Variants in ARHGAP6 observed in about 807,000 individuals in gnomAD.
The protein encoded by ARHGAP6 is Rho GTPase activating protein 6, also known as rho GTPase-activating protein 6.
Under a neutral mutation model 55.7 loss-of-function variants are expected in ARHGAP6, and 16 were observed. The ratio of observed to expected loss-of-function variants is 0.29; its 90% CI spans 0.19 to 0.44. The LOEUF (loss-of-function observed/expected upper bound fraction) is 0.44. Ranked by LOEUF, ARHGAP6 falls within the 20% of genes least tolerant of loss-of-function variation. The probability of loss-of-function intolerance (pLI) is 1.00; values close to 1 mark genes in which losing one functional copy is unlikely to be tolerated. For missense variants in ARHGAP6, 698 were observed against 808.9 expected (o/e 0.86, Z 1.66); for synonymous variants, 382 against 360.9 (o/e 1.06, Z -0.66).
At chrX:11,634,169 T>G (rs2052392197) in intron 1 of ARHGAP6, among the ~76,000 whole-genome samples, 1 of 109,119 alleles carries the variant, frequency 9.2e-6, no homozygotes, top group Admixed American at 9.9e-5. Context: ...GCCCAGCTGA[T>G]TTTTCTTTAA....
At chrX:11,504,057 G>T (rs958794184) in intron 1 of ARHGAP6, among the ~76,000 whole-genome samples, 201 of 91,424 alleles carry the variant, frequency 2.2e-3, no homozygotes, top group Middle Eastern at 5.2e-3. Flanking sequence ...AATTTTTTTT[G>T]GGGGGGGGCT....
intron 1 of ARHGAP6, among the ~76,000 whole-genome samples, chrX:11,506,044 G>A (rs1445778176): frequency 9.0e-6 from 1 of 110,911 alleles, no homozygotes; most frequent in Non-Finnish European, 1.9e-5. Flanking sequence ...TAAAATAAAA[G>A]TTAAAAAAAG....
intron 1 of ARHGAP6, among the ~76,000 whole-genome samples, chrX:11,490,080 C>T (rs2050552305): frequency 9.0e-6 from 1 of 111,486 alleles, no homozygotes; most frequent in African/African-American, 3.3e-5. Flanking sequence ...TGACCCCCCT[C>T]CAGTGAATCA....
At chrX:11,583,669 C>T (rs2051690389) in intron 1 of ARHGAP6, among the ~76,000 whole-genome samples, 1 of 111,446 alleles carries the variant, frequency 9.0e-6, no homozygotes, top group South Asian at 3.7e-4. Context: ...AACTCCACAA[C>T]AATAAATCAT....
chrX:11,209,708 C>T (rs2046762055), intron 2 of ARHGAP6, among the ~76,000 whole-genome samples: 2 of 111,861 alleles, frequency 1.8e-5, no homozygotes, highest in South Asian at 3.7e-4. Context: ...TATTTTATTA[C>T]CTCTCAAAAT....
chrX:11,176,232 C>T (rs868775433), intron 8 of ARHGAP6, among the ~76,000 whole-genome samples: 7 of 23,915 alleles, frequency 2.9e-4, no homozygotes, highest in African/African-American at 7.3e-4. Context: ...AGAGGATTTG[C>T]ATATATATAT....
rs756767993 is a variant in ARHGAP6 at position 11,137,643 on chromosome X, TA to T, written c.*1219del. 2.5e-3 allele frequency: 241 copies of T among 97,950 alleles called. No homozygotes were observed. Among genetic ancestry groups the T allele is most frequent in the East Asian group, 3.5e-3 (11 of 3,137 alleles). 8.1% of individuals were successfully genotyped at this position (97,950 alleles called of 1,213,427 possible). A position where few individuals can be genotyped will look rare whatever the true frequency, so the allele number is the denominator to read the frequency against. On this transcript the variant is annotated 3_prime_UTR_variant, in exon 13 of 13. Coordinates refer to ENST00000337414, the MANE Select transcript of ARHGAP6 (RefSeq NM_013427.3). ...TGAAAATTAAGAGTAGCATGTTTTA[TA>T]AAAAAAAAAAAAATCTTTTTTTATA...
chrX:11,546,910 G>A (rs1200432325), intron 1 of ARHGAP6, among the ~76,000 whole-genome samples: 2 of 112,049 alleles, frequency 1.8e-5, no homozygotes, highest in Non-Finnish European at 3.8e-5. Context: ...AAATGAGACA[G>A]TAAATACAAA....
chrX:11,280,199 T>C (rs1055858588), intron 1 of ARHGAP6, among the ~76,000 whole-genome samples: 1 of 111,927 alleles, frequency 8.9e-6, no homozygotes, highest in Admixed American at 9.4e-5. Flanking sequence ...AATGGGACAT[T>C]TTTTGGTAAG....
intron 1 of ARHGAP6, among the ~76,000 whole-genome samples, chrX:11,363,355 C>G (rs1045471459): frequency 8.9e-6 from 1 of 112,293 alleles, no homozygotes; most frequent in Non-Finnish European, 1.9e-5. Flanking sequence ...TCCCAGTTTG[C>G]GTGACTCCCC....
intron 8 of ARHGAP6, among the ~76,000 whole-genome samples, chrX:11,174,556 TCCTTCCTTCCTTCCTTCC>T (rs2046146005): frequency 1.2e-5 from 1 of 83,856 alleles, no homozygotes; most frequent in African/African-American, 4.2e-5. Context: ...CTTCCTTCCT[TCCTTCCTTCCTTCCTTCC>T]TTTCTTTCTT....
At chrX:11,144,961 T>G (rs1569229198) in intron 10 of ARHGAP6, 1 of 112,817 alleles carries the variant, frequency 8.9e-6, no homozygotes, top group Non-Finnish European at 1.9e-5. Context: ...TATACCATTA[T>G]CATAGTTCTG....
chrX:11,342,059 A>G (rs1461485822), intron 1 of ARHGAP6, among the ~76,000 whole-genome samples: 1 of 109,727 alleles, frequency 9.1e-6, no homozygotes, highest in South Asian at 4.0e-4. Flanking sequence ...GAAAGGGGAA[A>G]TGGTGAGCTA....
intron 1 of ARHGAP6, among the ~76,000 whole-genome samples, chrX:11,389,791 C>A (rs1352744057): frequency 9.0e-6 from 1 of 111,433 alleles, no homozygotes; most frequent in African/African-American, 3.3e-5. Context: ...AATTGCAATG[C>A]AAATACAGTG....
rs201243947 is a variant in ARHGAP6 at position 11,663,719 on chromosome X, G to A, written c.588+522C>T. ...ATAGATTTCTGAAATTGCCCCTTCA[G>A]GGAAAGAAAAGGTGAAAACTAGAGA... On this transcript the variant is annotated intron_variant, in intron 1 of 12. Coordinates refer to ENST00000337414, the MANE Select transcript of ARHGAP6 (RefSeq NM_013427.3). Among the ~76,000 whole-genome samples the A allele has an allele frequency of 2.7e-5, 3 of 111,521 alleles. No homozygotes were observed. In the East Asian group the frequency reaches 8.4e-4, roughly 31 times the overall value.
At chrX:11,176,255 A>ATATT (rs61017049) in intron 8 of ARHGAP6, among the ~76,000 whole-genome samples, 5,680 of 60,347 alleles carry the variant, frequency 0.094, 670 homozygotes, top group Non-Finnish European at 0.13. Context: ...ATATATATAT[A>ATATT]TATATATATT....
At chrX:11,430,317 T>G (rs1298340401) in intron 1 of ARHGAP6, among the ~76,000 whole-genome samples, 1 of 112,814 alleles carries the variant, frequency 8.9e-6, no homozygotes, top group East Asian at 2.8e-4. Flanking sequence ...CTTCTAGCAT[T>G]ATTTATTGCT....
intron 1 of ARHGAP6, among the ~76,000 whole-genome samples, chrX:11,518,627 G>A (rs1226401860): frequency 9.6e-6 from 1 of 104,112 alleles, no homozygotes; most frequent in African/African-American, 3.5e-5. Context: ...TTGCAACAGT[G>A]CACTTTTTTT....
intron 1 of ARHGAP6, among the ~76,000 whole-genome samples, chrX:11,275,169 A>G (rs1029645438): frequency 8.9e-6 from 1 of 111,883 alleles, no homozygotes; most frequent in African/African-American, 3.2e-5. Flanking sequence ...CTCTACATCT[A>G]TGTGTATCTA....
Sources: gnomAD v4.1 joint callset for allele counts (sites outside exome capture counted in the v4.1 genomes callset) on GRCh38, gnomAD v4.1.1 for gene constraint, MANE v1.5 for transcripts, NCBI Gene and HGNC (gene_info 2026-07-23, HGNC 2026-07-21) for gene names.